GALNT10: variants seen among roughly 807,000 people sequenced by gnomAD.
The protein encoded by GALNT10 is polypeptide N-acetylgalactosaminyltransferase 10, also known as GalNAc transferase 10.
GALNT10 carries 41 observed loss-of-function variants against 75.0 expected under a neutral mutation model. The observed-to-expected ratio is 0.55, with a 90% confidence interval of 0.43 to 0.71. The LOEUF is 0.71. Among genes scored for constraint, GALNT10 ranks in the 30% least tolerant of loss-of-function variants. The pLI, the probability that GALNT10 is intolerant of heterozygous loss-of-function variation, is 0.00. For synonymous variants in GALNT10, 302 were observed against 313.0 expected (o/e 0.96, Z 0.37); for missense variants, 727 against 818.5 (o/e 0.89, Z 1.36).
At chr5:154,408,158 A>G (rs1756321285) in intron 8 of GALNT10, among the ~76,000 whole-genome samples, 2 of 152,222 alleles carry the variant, frequency 1.3e-5, no homozygotes, top group African/African-American at 2.4e-5. Context: ...TAGCTACATC[A>G]GAGGTGAGAC....
At chr5:154,370,921 G>C (rs1334558901) in intron 4 of GALNT10, among the ~76,000 whole-genome samples, 2 of 152,206 alleles carry the variant, frequency 1.3e-5, no homozygotes, top group Non-Finnish European at 1.5e-5. Context: ...CTGTATTCCT[G>C]CCATGTCACT....
chr5:154,222,966 G>T (rs1753006511), intron 1 of GALNT10, among the ~76,000 whole-genome samples: 1 of 152,166 alleles, frequency 6.6e-6, no homozygotes, highest in African/African-American at 2.4e-5. Context: ...CCAGGGATAA[G>T]TAAGACATTG....
chr5:154,420,646 C>T lies in GALNT10; in HGVS notation c.*3674C>T, dbSNP rs56966075. On this transcript the variant is annotated 3_prime_UTR_variant, in exon 12 of 12. Transcript: ENST00000297107. Reference sequence around the variant, plus strand: ...AGTAATATTTTAGTTCAAACTTGATCTTGAGCCAAGGCCCACTGCCACCTC... The same window carrying T: ...AGTAATATTTTAGTTCAAACTTGATTTTGAGCCAAGGCCCACTGCCACCTC... 1 of 152,366 alleles carries T rather than the reference C, an allele frequency of 6.6e-6. No individual in the cohort carries two copies. Among genetic ancestry groups the T allele is most frequent in the Admixed American group, 6.5e-5 (1 of 15,306 alleles). The allele number at this position is 152,366 out of a possible 1,614,324, so 9.4% of individuals were successfully genotyped here.
At chr5:154,391,368 C>T (rs911629835) in intron 7 of GALNT10, among the ~76,000 whole-genome samples, 3 of 152,300 alleles carry the variant, frequency 2.0e-5, no homozygotes, top group South Asian at 4.1e-4. Context: ...GATTCCAGAC[C>T]GGATTCTCTA....
In GALNT10 at chr5:154,275,563, C is replaced by A. The variant is rs116637614; in HGVS notation, c.160-19253C>A. Among the ~76,000 whole-genome samples the A allele has an allele frequency of 2.2e-3, 342 of 152,330 alleles. 1 individual carries two copies. Among genetic ancestry groups the A allele is most frequent in the African/African-American group, 7.0e-3 (293 of 41,574 alleles). ...ACAGTCATTCATTTCTTCAAATCTA[C>A]AATTTGAGCAGGACTTTGCAGAACA... is the stretch of plus-strand genomic sequence containing the variant. On this transcript the variant is annotated intron_variant, in intron 1 of 11. Coordinates refer to ENST00000297107, the MANE Select transcript of GALNT10 (RefSeq NM_198321.4).
At chr5:154,378,390 T>C (rs1755688849) in intron 5 of GALNT10, among the ~76,000 whole-genome samples, 1 of 152,076 alleles carries the variant, frequency 6.6e-6, no homozygotes, top group Admixed American at 6.5e-5. Context: ...ACATTAACAT[T>C]TGAATTTGAC....
chr5:154,253,397 T>TG (rs988743509), intron 1 of GALNT10, among the ~76,000 whole-genome samples: 8 of 49,532 alleles, frequency 1.6e-4, no homozygotes, highest in African/African-American at 6.3e-4. Flanking sequence ...TGTTGTGGGG[T>TG]GGGGGGAGGG....
chr5:154,338,061 C>A, intron 4 of GALNT10: 1 of 1,304,912 alleles, frequency 7.7e-7, no homozygotes, highest in Non-Finnish European at 1.1e-6. Flanking sequence ...TCAAAATAAT[C>A]TCTTAGGTGA....
intron 1 of GALNT10, among the ~76,000 whole-genome samples, chr5:154,252,111 T>C (rs1581939613): frequency 6.6e-6 from 1 of 152,152 alleles, no homozygotes; most frequent in African/African-American, 2.4e-5. Context: ...ATAGCAATAC[T>C]AATGCTACCG....
At chr5:154,279,344 C>A (rs1754004081) in intron 1 of GALNT10, among the ~76,000 whole-genome samples, 1 of 145,880 alleles carries the variant, frequency 6.9e-6, no homozygotes, top group Non-Finnish European at 1.5e-5. Flanking sequence ...GCTCTTGTTG[C>A]CCAGGCTGGA....
rs370103391 is a variant in GALNT10, at chr5:154,330,908, G to GGTGTGTGTGTGTGTGTGTGTGT, written c.568+1179_568+1200dup. Among the ~76,000 whole-genome samples, 253 of 126,012 alleles carry GGTGTGTGTGTGTGTGTGTGTGT rather than the reference G, an allele frequency of 2.0e-3. 1 individual carries two copies. The highest frequency in any genetic ancestry group is 0.016 in the East Asian group (61 of 3,910). The allele number at this position is 126,012 out of a possible 152,430, so 82.7% of individuals were successfully genotyped here. ...ACAGAGGCCTCAGAGAGACAGAGAG[G>GGTGTGTGTGTGTGTGTGTGTGT]GTGTGTGTGTGTGTGTGTGTGTGTG... On this transcript the variant is annotated intron_variant, in intron 4 of 11. Transcript: ENST00000297107.
chr5:154,199,583 G>A (rs1054263710), intron 1 of GALNT10, among the ~76,000 whole-genome samples: 1 of 152,156 alleles, frequency 6.6e-6, no homozygotes, highest in Non-Finnish European at 1.5e-5. Context: ...TGGCTGGGGC[G>A]GTAGAGCTTT....
At chr5:154,274,893 A>G (rs1002927967) in intron 1 of GALNT10, among the ~76,000 whole-genome samples, 1 of 152,174 alleles carries the variant, frequency 6.6e-6, no homozygotes, top group African/African-American at 2.4e-5. Flanking sequence ...ATGGGCATGC[A>G]TGCACTCGCC....
At chr5:154,296,886 A>G (rs1301208034) in intron 2 of GALNT10, among the ~76,000 whole-genome samples, 1 of 152,164 alleles carries the variant, frequency 6.6e-6, no homozygotes, top group African/African-American at 2.4e-5. Flanking sequence ...GCTGCAGATG[A>G]CAGAGACCTG....
chr5:154,345,899 CCA>C (rs1755115011), intron 4 of GALNT10, among the ~76,000 whole-genome samples: 1 of 150,826 alleles, frequency 6.6e-6, no homozygotes, highest in East Asian at 1.9e-4. Context: ...CCCACCTCAG[CCA>C]CCCAAAGTGC....
At chr5:154,221,230 T>C (rs1752973185) in intron 1 of GALNT10, among the ~76,000 whole-genome samples, 1 of 152,212 alleles carries the variant, frequency 6.6e-6, no homozygotes, top group South Asian at 2.1e-4. Flanking sequence ...GGTACGTGGG[T>C]GAATAGGTAG....
intron 4 of GALNT10, among the ~76,000 whole-genome samples, chr5:154,371,499 A>G (rs1490013091): frequency 1.6e-5 from 2 of 125,470 alleles, no homozygotes; most frequent in Non-Finnish European, 3.7e-5. Context: ...CCACTTTAAG[A>G]CAGGAATCAA....
chr5:154,291,271 G>A (rs1304728161), intron 1 of GALNT10, among the ~76,000 whole-genome samples: 1 of 152,158 alleles, frequency 6.6e-6, no homozygotes, highest in Admixed American at 6.5e-5. Flanking sequence ...AGCTTGTAGA[G>A]GAAATAGTAT....
chr5:154,337,434 C>G (rs1318188275), intron 4 of GALNT10: 1 of 651,522 alleles, frequency 1.5e-6, no homozygotes, highest in East Asian at 2.9e-5. Context: ...TCTGGCTATC[C>G]TCTCCTGCTA....
Sources: allele counts gnomAD v4.1 joint callset (sites outside exome capture counted in the v4.1 genomes callset), GRCh38; gene constraint gnomAD v4.1.1; transcripts MANE v1.5; gene names NCBI Gene and HGNC (gene_info 2026-07-23, HGNC 2026-07-21).